Variants in DPH6 observed in about 807,000 individuals in gnomAD.
DPH6 encodes the protein diphthine--ammonia ligase.
Under a neutral mutation model 38.2 loss-of-function variants are expected in DPH6, and 33 were observed. The ratio of observed to expected loss-of-function variants is 0.86; its 90% CI spans 0.65 to 1.15. The LOEUF (loss-of-function observed/expected upper bound fraction) is 1.15. DPH6 is among the 50% of genes most tolerant of loss of function. DPH6 has a pLI of 0.00. For missense variants in DPH6, 325 were observed against 320.0 expected (o/e 1.02, Z -0.12); for synonymous variants, 108 against 103.0 (o/e 1.05, Z -0.30).
chr15:35,181,734 T>C, the DPH6 span: 1 of 151,960 alleles, frequency 6.6e-6, no homozygotes, highest in African/African-American at 2.4e-5. Context: ...TAGAGAGAAA[T>C]AGTGGAAGAA....
chr15:35,410,764 C>T, intron 6 of DPH6, 71 bp downstream of exon 6: 1 of 1,249,378 alleles, frequency 8.0e-7, no homozygotes, highest in Non-Finnish European at 1.1e-6. Flanking sequence ...ATTTTTTAAT[C>T]ATTGTATCAC....
chr15:35,147,661 G>A, the DPH6 span, among the ~76,000 whole-genome samples: 1 of 152,108 alleles, frequency 6.6e-6, no homozygotes, highest in Non-Finnish European at 1.5e-5. Context: ...AGAAATACAG[G>A]TAACTTAAAA....
chr15:35,447,143 A>G (rs546251290), intron 5 of DPH6, among the ~76,000 whole-genome samples: 1 of 152,296 alleles, frequency 6.6e-6, no homozygotes, highest in Non-Finnish European at 1.5e-5. Context: ...TGCTGGGATT[A>G]CAGGCCATAG....
At chr15:35,454,281 A>G (rs2053969506) in intron 4 of DPH6, among the ~76,000 whole-genome samples, 1 of 152,156 alleles carries the variant, frequency 6.6e-6, no homozygotes, top group Non-Finnish European at 1.5e-5. Flanking sequence ...GAATGGCTTT[A>G]TATGTAAGCA....
intron 3 of DPH6, among the ~76,000 whole-genome samples, chr15:35,483,788 A>G (rs566523995): frequency 2.0e-3 from 308 of 152,348 alleles, no homozygotes; most frequent in Non-Finnish European, 3.2e-3. Flanking sequence ...AAACAATTCA[A>G]TTTTCGATTA....
chr15:35,450,706 T>C lies in DPH6; in HGVS notation c.484A>G (p.Ile162Val). ...ATACCCAAAGCTGCTACTTTGATGA[T>C]CATTGCTTGAATGTTAGATGATATC... ...EMISSNIQAM[I>V]IKVAALGLDP... Residue 162 changes from isoleucine to valine, a missense_variant, in exon 5 of 9, where the codon ATC becomes GTC. By Grantham distance (29) the Ile-to-Val change is conservative. Coordinates refer to ENST00000256538, the MANE Select transcript of DPH6 (RefSeq NM_080650.4). 1 of 1,613,156 alleles carries C rather than the reference T, an allele frequency of 6.2e-7. No homozygotes were observed. Among genetic ancestry groups the C allele is most frequent in the South Asian group, 1.1e-5 (1 of 90,914 alleles).
chr15:35,492,022 A>G (rs2054490064), intron 3 of DPH6, among the ~76,000 whole-genome samples: 1 of 152,074 alleles, frequency 6.6e-6, no homozygotes, highest in Non-Finnish European at 1.5e-5. Flanking sequence ...TGCTGTCTGC[A>G]AGCTGGAGAC....
intron 3 of DPH6, among the ~76,000 whole-genome samples, chr15:35,472,797 T>G (rs976503870): frequency 6.6e-5 from 10 of 151,898 alleles, no homozygotes; most frequent in African/African-American, 2.4e-4. Context: ...TCCTATATAC[T>G]CTGCATTCCA....
chr15:35,199,485 A>T, the DPH6 span, among the ~76,000 whole-genome samples: 1 of 152,148 alleles, frequency 6.6e-6, no homozygotes, highest in Admixed American at 6.6e-5. Context: ...ATAATCAAAG[A>T]TTGTTAGAGG....
chr15:35,264,476 T>G (rs1453538014), intron 3 of DPH6, among the ~76,000 whole-genome samples: 1 of 152,218 alleles, frequency 6.6e-6, no homozygotes, highest in East Asian at 1.9e-4. Context: ...GGACTTTCTC[T>G]GATTCTTAGA....
At chr15:35,364,530 C>G (rs1340981517) in intron 3 of DPH6, among the ~76,000 whole-genome samples, 2 of 152,052 alleles carry the variant, frequency 1.3e-5, no homozygotes, top group Admixed American at 6.5e-5. Flanking sequence ...CCTGGAAATT[C>G]CTCCACTTTT....
At chr15:35,373,455 T>C in intron 8 of DPH6, 66 bp downstream of exon 8, 2 of 1,365,252 alleles carry the variant, frequency 1.5e-6, no homozygotes, top group Non-Finnish European at 2.0e-6. Context: ...CAGAATTATA[T>C]ATGCAAAGCC....
chr15:35,197,410 T>C, the DPH6 span, among the ~76,000 whole-genome samples: 1 of 152,228 alleles, frequency 6.6e-6, no homozygotes. Flanking sequence ...TTACATCTTG[T>C]AGTAGACATT....
At chr15:35,482,256 C>A (rs1455095993) in intron 3 of DPH6, among the ~76,000 whole-genome samples, 1 of 152,154 alleles carries the variant, frequency 6.6e-6, no homozygotes, top group Non-Finnish European at 1.5e-5. Flanking sequence ...GATATATGTT[C>A]AGACTATACA....
intron 3 of DPH6, among the ~76,000 whole-genome samples, chr15:35,238,639 CTT>C (rs1566846979): frequency 6.6e-6 from 1 of 152,222 alleles, no homozygotes. Context: ...TGTCAGGCCT[CTT>C]AGCCCAAGCC....
intron 3 of DPH6, among the ~76,000 whole-genome samples, chr15:35,235,944 G>A (rs1007864254): frequency 6.6e-6 from 1 of 152,142 alleles, no homozygotes; most frequent in Non-Finnish European, 1.5e-5. Context: ...AGAAACAAAA[G>A]AGAACATGGA....
At chr15:35,361,581 C>A (rs887242436) in intron 3 of DPH6, among the ~76,000 whole-genome samples, 10 of 151,462 alleles carry the variant, frequency 6.6e-5, no homozygotes, top group Non-Finnish European at 1.3e-4. Flanking sequence ...TTGATCATGT[C>A]CCATAAGTTC....
chr15:35,503,920 G>A (rs966311772), intron 3 of DPH6, among the ~76,000 whole-genome samples: 2 of 152,052 alleles, frequency 1.3e-5, no homozygotes, highest in African/African-American at 2.4e-5. Context: ...TTTCCGCTAC[G>A]AAATACTTAA....
At chr15:35,301,816 T>C (rs1244582490) in intron 3 of DPH6, among the ~76,000 whole-genome samples, 1 of 151,758 alleles carries the variant, frequency 6.6e-6, no homozygotes, top group Non-Finnish European at 1.5e-5. Context: ...CTACCAAAAA[T>C]ATAAAAAATT....
Sources: allele counts gnomAD v4.1 joint callset (sites outside exome capture counted in the v4.1 genomes callset), GRCh38; gene constraint gnomAD v4.1.1; transcripts MANE v1.5; gene names NCBI Gene and HGNC (gene_info 2026-07-23, HGNC 2026-07-21).